POLR2B: variants seen among roughly 807,000 people sequenced by gnomAD.
The protein encoded by POLR2B is DNA-directed RNA polymerase II subunit RPB2.
Under a neutral mutation model 144.6 loss-of-function variants are expected in POLR2B, and 57 were observed. The ratio of observed to expected loss-of-function variants is 0.39; its 90% CI spans 0.32 to 0.49. The LOEUF is 0.49. Among genes scored for constraint, POLR2B ranks in the 20% least tolerant of loss-of-function variants. The probability of loss-of-function intolerance (pLI) is 0.83; values close to 1 mark genes in which losing one functional copy is unlikely to be tolerated. For synonymous variants in POLR2B, 442 were observed against 469.8 expected (o/e 0.94, Z 0.77); for missense variants, 595 against 1,467.4 (o/e 0.41, Z 9.71).
In POLR2B at chr4:57,017,305, C is replaced by A; in HGVS notation, c.2154+64C>A. The stretch of plus-strand genomic sequence containing the variant: ...GAGAAGTAATAAAAATTGAAAGTAA[C>A]TCTGTAGTCTTATCTGGAGGGAAAA... On this transcript the variant is annotated intron_variant, in intron 15 of 24. Transcript: ENST00000314595. The surrounding 1 kb of genome is among the most constrained non-coding windows in gnomAD (Gnocchi z 4.8). The A allele has an allele frequency of 8.4e-7, 1 of 1,184,742 alleles. No individual in the cohort carries two copies. Among genetic ancestry groups the A allele is most frequent in the East Asian group, 2.3e-5 (1 of 42,610 alleles). 73.4% of individuals were successfully genotyped at this position (1,184,742 alleles called of 1,614,324 possible).
Position 56,995,378 on chromosome 4 carries a change from T to A in POLR2B, c.704T>A (p.Ile235Lys). ...AATTCTTCCCGACCCACCAGTACTA[T>A]ATGGGTTAGCATGCTGGCAAGAGGA... ...LENSSRPTST[I>K]WVSMLARGGQ... Residue 235 changes from isoleucine (I) to lysine (K), a missense_variant, in exon 6 of 25, where the codon ATA becomes AAA. By Grantham distance (102) the Ile-to-Lys change is moderately radical. Transcript: ENST00000314595. The A allele has an allele frequency of 6.2e-7, 1 of 1,611,264 alleles. No individual in the cohort carries two copies. The highest frequency in any genetic ancestry group is 8.5e-7 in the Non-Finnish European group (1 of 1,177,804).
intron 6 of POLR2B, among the ~76,000 whole-genome samples, chr4:56,996,198 T>G (rs1722669061): frequency 8.6e-6 from 1 of 116,562 alleles, no homozygotes; most frequent in Non-Finnish European, 1.8e-5. Flanking sequence ...AAACCTCTAT[T>G]TCAGTTCATG....
rs761084252 is a variant in POLR2B at position 56,994,701 on chromosome 4, A to G, written c.411A>G (p.Glu137=). The change falls in exon 5 of 25, where the codon GAA becomes GAG. Residue 137 remains glutamate (E), a synonymous_variant. Transcript: ENST00000314595. ...DITKTVIKEG[E]EQLQTQHQKT... ...CAAAAACAGTCATTAAAGAAGGTGAAGAACAACTTCAGACTCAGCATCAGA... is the reference window on the plus strand; with the variant it reads ...CAAAAACAGTCATTAAAGAAGGTGAGGAACAACTTCAGACTCAGCATCAGA... 61 of 1,613,626 alleles carry G rather than the reference A, an allele frequency of 3.8e-5. No homozygotes were observed. The Admixed American group carries it at 6.5e-4, about 17-fold the overall frequency.
At chr4:56,991,312 A>G (rs1050924705) in intron 3 of POLR2B, among the ~76,000 whole-genome samples, 3 of 152,222 alleles carry the variant, frequency 2.0e-5, no homozygotes, top group Admixed American at 6.5e-5. Context: ...AAGGAAAATC[A>G]CCCAAACATA....
intron 23 of POLR2B, among the ~76,000 whole-genome samples, chr4:57,026,309 G>T (rs12650737): frequency 0.54 from 81,798 of 151,910 alleles, 22,169 homozygotes; most frequent in East Asian, 0.7. Context: ...TGAACTCATG[G>T]CCACAATCCT....
intron 16 of POLR2B, among the ~76,000 whole-genome samples, chr4:57,020,252 T>C (rs1723498593): frequency 6.6e-6 from 1 of 152,156 alleles, no homozygotes; most frequent in Admixed American, 6.5e-5. Context: ...CAGGATGGTC[T>C]CAATCGCTTG....
chr4:57,003,309 TGTC>T (rs1560477193), intron 7 of POLR2B, among the ~76,000 whole-genome samples: 2 of 152,076 alleles, frequency 1.3e-5, no homozygotes, highest in Non-Finnish European at 2.9e-5. Context: ...GTGCGCCTGT[TGTC>T]CCAGCTACTC....
chr4:57,002,832 A>AT (rs1040457868), intron 7 of POLR2B: 10 of 152,130 alleles, frequency 6.6e-5, no homozygotes, highest in African/African-American at 2.4e-4. Context: ...TAAAAAAAAA[A>AT]ACCAAACAAA....
intron 6 of POLR2B, among the ~76,000 whole-genome samples, chr4:56,998,488 T>TGTGCCCGGCCTGTGAGCCACC (rs1722758039): frequency 6.6e-6 from 1 of 152,184 alleles, no homozygotes; most frequent in East Asian, 1.9e-4. Context: ...TGTGAGCCAC[T>TGTGCCCGGCCTGTGAGCCACC]GTGCCCGGCC....
intron 3 of POLR2B, 131 bp from the exon 4 acceptor site, chr4:56,994,273 T>TCCCCA: frequency 1.7e-6 from 1 of 604,380 alleles, no homozygotes; most frequent in Admixed American, 2.9e-5. Flanking sequence ...CCCATTTCAG[T>TCCCCA]AAAATGGATT....
chr4:56,980,241 T>C (rs1431023254), intron 1 of POLR2B, among the ~76,000 whole-genome samples: 1 of 152,174 alleles, frequency 6.6e-6, no homozygotes, highest in Non-Finnish European at 1.5e-5. Flanking sequence ...CTTAAACTTT[T>C]AAAGCTGTTT....
At chr4:56,979,079 G>T in intron 1 of POLR2B, 75 bp downstream of exon 1, 1 of 1,472,900 alleles carries the variant, frequency 6.8e-7, no homozygotes, top group South Asian at 1.1e-5. Flanking sequence ...TTGGATTGAG[G>T]ATTTGGGGCC....
chr4:56,986,631 G>A (rs768703703), intron 2 of POLR2B: 28 of 393,826 alleles, frequency 7.1e-5, no homozygotes, highest in Non-Finnish European at 6.7e-5. Flanking sequence ...ATGTTACCCT[G>A]TACTACATTT....
At chr4:56,979,889 A>G (rs1448185395) in intron 1 of POLR2B, among the ~76,000 whole-genome samples, 1 of 101,326 alleles carries the variant, frequency 9.9e-6, no homozygotes, top group Non-Finnish European at 2.0e-5. Context: ...ACAGAGTTAG[A>G]CTGTCTCAAA....
intron 1 of POLR2B, among the ~76,000 whole-genome samples, chr4:56,980,386 G>C (rs926579495): frequency 2.0e-5 from 3 of 152,120 alleles, no homozygotes; most frequent in African/African-American, 4.8e-5. Flanking sequence ...TTTTGGCTGG[G>C]TAATATATTC....
rs1723905562 is a variant in POLR2B, at chr4:57,031,070, G to A, written c.*82G>A. ...GTGGCTTTTTAAAAATGACAAATAT[G>A]TACTGTGTTGTGATAAAAAGTATTT... is the stretch of plus-strand genomic sequence containing the variant. On this transcript the variant is annotated 3_prime_UTR_variant, in exon 25 of 25. Transcript: ENST00000314595. The A allele has an allele frequency of 1.2e-6, 1 of 861,058 alleles. No individual in the cohort carries two copies. Among genetic ancestry groups the A allele is most frequent in the Admixed American group, 1.9e-5 (1 of 52,548 alleles). 53.3% of individuals were successfully genotyped at this position (861,058 alleles called of 1,614,324 possible).
chr4:57,018,175 T>G (rs1393200499), intron 16 of POLR2B, among the ~76,000 whole-genome samples: 2 of 152,158 alleles, frequency 1.3e-5, no homozygotes, highest in African/African-American at 2.4e-5. Context: ...TTGAACAGGT[T>G]GAATTTTATT....
chr4:57,008,368 A>G (rs927413588), intron 10 of POLR2B, among the ~76,000 whole-genome samples: 3 of 151,894 alleles, frequency 2.0e-5, no homozygotes, highest in African/African-American at 7.3e-5. Context: ...ACGCCTGGCT[A>G]ATTTTTTGTA....
chr4:57,013,182 G>C (rs542234549), intron 13 of POLR2B, among the ~76,000 whole-genome samples: 29 of 152,158 alleles, frequency 1.9e-4, no homozygotes, highest in Non-Finnish European at 3.4e-4. Flanking sequence ...TGCCATAGTT[G>C]GCCAGGCTGG....
Sources: gnomAD v4.1 joint callset for allele counts (sites outside exome capture counted in the v4.1 genomes callset) on GRCh38, gnomAD v4.1.1 for gene constraint, Gnocchi (gnomAD v3.1) non-coding constraint, MANE v1.5 for transcripts, NCBI Gene and HGNC (gene_info 2026-07-23, HGNC 2026-07-21) for gene names.